OPRM1: variants seen among roughly 807,000 people sequenced by gnomAD.
OPRM1 encodes mu-type opioid receptor.
A neutral mutation model predicts 31.8 loss-of-function variants in OPRM1; 27 were observed. That is an observed-to-expected ratio of 0.85 (90% CI 0.63 to 1.17). The LOEUF is 1.17. OPRM1 is among the 50% of genes most tolerant of loss of function. The pLI, the probability that OPRM1 is intolerant of heterozygous loss-of-function variation, is 0.00. For missense variants in OPRM1, 536 were observed against 511.1 expected (o/e 1.05, Z -0.47); for synonymous variants, 196 against 189.9 (o/e 1.03, Z -0.26).
chr6:154,186,969 C>T (rs909184242), intron 3 of OPRM1, among the ~76,000 whole-genome samples: 1 of 152,130 alleles, frequency 6.6e-6, no homozygotes, highest in Non-Finnish European at 1.5e-5. Flanking sequence ...TCACCGCCTA[C>T]ATGGCCCTAC....
At chr6:154,108,925 T>C (rs1233059961) in intron 3 of OPRM1, 1 of 984,840 alleles carries the variant, frequency 1.0e-6, no homozygotes, top group Non-Finnish European at 1.2e-6. Context: ...AATCCAACTA[T>C]AGAAACATAG....
intron 3 of OPRM1, chr6:154,212,758 G>A (rs1483815447): frequency 1.5e-5 from 23 of 1,576,340 alleles, no homozygotes; most frequent in East Asian, 1.3e-4. Context: ...GACTACTTAT[G>A]TCGGTACATA....
At chr6:154,148,475 T>C (rs1436989047) in intron 3 of OPRM1, among the ~76,000 whole-genome samples, 26 of 152,210 alleles carry the variant, frequency 1.7e-4, no homozygotes. Context: ...TGCCCCTCCA[T>C]CTCTGCCACC....
At chr6:154,114,650 A>G (rs1339149009) in intron 3 of OPRM1, among the ~76,000 whole-genome samples, 1 of 152,188 alleles carries the variant, frequency 6.6e-6, no homozygotes, top group Non-Finnish European at 1.5e-5. Context: ...GTGCTATCAC[A>G]GGGAATTGAT....
At chr6:154,079,328 G>A (rs1384761007) in intron 1 of OPRM1, among the ~76,000 whole-genome samples, 3 of 152,170 alleles carry the variant, frequency 2.0e-5, no homozygotes, top group African/African-American at 7.2e-5. Context: ...CCCAAAATGG[G>A]GTAGAGGAGG....
At chr6:154,151,529 G>A (rs1338399716) in intron 3 of OPRM1, among the ~76,000 whole-genome samples, 3 of 152,156 alleles carry the variant, frequency 2.0e-5, no homozygotes, top group Non-Finnish European at 4.4e-5. Flanking sequence ...GTAGCTGAGG[G>A]AAATTTTCTG....
At chr6:154,090,892 A>C in intron 2 of OPRM1, 60 bp from the exon 3 acceptor site, 1 of 1,490,890 alleles carries the variant, frequency 6.7e-7, no homozygotes, top group Non-Finnish European at 9.2e-7. Flanking sequence ...GGCAGTATTA[A>C]CACCTTATGA....
rs677830 is a variant in OPRM1, at chr6:154,107,531, C to T, written c.1165-11152C>T. ...TTGGCCACTGAGCTACAATGCAGGG[C>T]AGTCTCCATTTCCCTTCCCAGGAAG... On this transcript the variant is annotated intron_variant, in intron 3 of 3. Coordinates refer to ENST00000330432, the MANE Select transcript of OPRM1 (RefSeq NM_000914.5). 0.21 allele frequency: 153,501 copies of T among 718,426 alleles called. 17,560 individuals carry two copies. Among genetic ancestry groups the T allele is most frequent in the Middle Eastern group, 0.28 (1,232 of 4,372 alleles). 44.5% of individuals were successfully genotyped at this position (718,426 alleles called of 1,614,324 possible). A position where few individuals can be genotyped will look rare whatever the true frequency, so the allele number is the denominator to read the frequency against.
chr6:154,051,518 G>C (rs1782193137), intron 1 of OPRM1, among the ~76,000 whole-genome samples: 1 of 152,166 alleles, frequency 6.6e-6, no homozygotes, highest in Non-Finnish European at 1.5e-5. Context: ...TGATGGCTTT[G>C]CTCAGTCTTT....
intron 3 of OPRM1, among the ~76,000 whole-genome samples, chr6:154,219,912 T>C (rs907597788): frequency 6.6e-5 from 10 of 151,602 alleles, no homozygotes; most frequent in Non-Finnish European, 1.0e-4. Flanking sequence ...TGGAGGGTGA[T>C]GCTGGGGAGG....
intron 3 of OPRM1, chr6:154,091,777 T>C (rs1792303521): frequency 9.3e-7 from 1 of 1,079,240 alleles, no homozygotes; most frequent in African/African-American, 1.7e-5. Context: ...ATAGAAATAA[T>C]TCTGATCTAG....
At position 154,148,467 on chromosome 6, in the gene OPRM1, C is replaced by T. The variant is rs139509802; in HGVS notation, c.1164+56995C>T. Among the ~76,000 whole-genome samples, 542 of 152,322 alleles carry T rather than the reference C, an allele frequency of 3.6e-3. 1 individual carries two copies. The highest frequency in any genetic ancestry group is 0.011 in the African/African-American group (472 of 41,564). On this transcript the variant is annotated intron_variant, in intron 3 of 3. Transcript: ENST00000337049. ...GTGTGCATGTCTGGGGGCCATGGTGCCCCTCCATCTCTGCCACCATGTCTT... is the reference window on the plus strand; with the variant it reads ...GTGTGCATGTCTGGGGGCCATGGTGTCCCTCCATCTCTGCCACCATGTCTT...
chr6:154,087,355 T>A (rs561502465), intron 1 of OPRM1: 663 of 985,316 alleles, frequency 6.7e-4, no homozygotes, highest in Non-Finnish European at 7.6e-4. Flanking sequence ...AACCAACAGC[T>A]GTCTTGGGCT....
At position 154,215,101 on chromosome 6, in the gene OPRM1, T is replaced by C. The variant is rs191527484; in HGVS notation, c.1165-31592T>C. The stretch of plus-strand genomic sequence containing the variant: ...CCTATTTTGAGACAGGGAAAATCCG[T>C]GCTACACGTTTATCAATTCGTCTAT... On this transcript the variant is annotated intron_variant, in intron 3 of 3. Coordinates refer to the OPRM1 transcript ENST00000337049. Among the ~76,000 whole-genome samples the C allele has an allele frequency of 3.3e-5, 5 of 152,338 alleles. No homozygotes were observed. In the East Asian group the frequency reaches 7.7e-4, roughly 23 times the overall value.
intron 3 of OPRM1, among the ~76,000 whole-genome samples, chr6:154,150,555 C>G (rs1163206028): frequency 6.6e-6 from 1 of 152,172 alleles, no homozygotes; most frequent in Non-Finnish European, 1.5e-5. Flanking sequence ...TCATGGGAAC[C>G]CTCTGGGTAG....
chr6:154,043,422 G>A (rs1189505128), intron 1 of OPRM1, among the ~76,000 whole-genome samples: 1 of 151,902 alleles, frequency 6.6e-6, no homozygotes, highest in East Asian at 1.9e-4. Flanking sequence ...AAAATGATCA[G>A]TTATACTTGA....
At chr6:154,146,013 A>C (rs1171032879) in intron 3 of OPRM1, among the ~76,000 whole-genome samples, 1 of 152,252 alleles carries the variant, frequency 6.6e-6, no homozygotes, top group African/African-American at 2.4e-5. Flanking sequence ...CCTTGATGAA[A>C]TAGCCCAACA....
Position 154,039,583 on chromosome 6 carries a change from C to G in OPRM1, c.39C>G (p.Cys13Trp), listed in dbSNP as rs200776506. The G allele has an allele frequency of 6.2e-7, 1 of 1,613,738 alleles. No homozygotes were observed. The highest frequency in any genetic ancestry group is 8.5e-7 in the Non-Finnish European group (1 of 1,179,846). The stretch of plus-strand genomic sequence containing the variant: ...CTGCCCCCACGAACGCCAGCAATTG[C>G]ACTGATGCCTTGGCGTACTCAAGTT... ...SSAAPTNASN[C>W]TDALAYSSCS... is the part of the protein sequence containing the mutation. Residue 13 changes from cysteine (C) to tryptophan (W), a missense_variant, in exon 1 of 4, where the codon TGC becomes TGG. By Grantham distance (215) the Cys-to-Trp change is radical (BLOSUM62 -2). Transcript: ENST00000330432.
At chr6:154,233,762 T>G (rs1169713039) in intron 3 of OPRM1, among the ~76,000 whole-genome samples, 1 of 152,190 alleles carries the variant, frequency 6.6e-6, no homozygotes, top group Non-Finnish European at 1.5e-5. Context: ...CAGGGCACAC[T>G]GGCAAGACTT....
Sources: gnomAD v4.1 joint callset for allele counts (sites outside exome capture counted in the v4.1 genomes callset) on GRCh38, gnomAD v4.1.1 for gene constraint, MANE v1.5 for transcripts, NCBI Gene and HGNC (gene_info 2026-07-23, HGNC 2026-07-21) for gene names.